Variants in WBP4 observed in about 807,000 individuals in gnomAD.
The protein encoded by WBP4 is WW domain binding protein 4.
A neutral mutation model predicts 55.4 loss-of-function variants in WBP4; 37 were observed. The ratio of observed to expected loss-of-function variants is 0.67; its 90% CI spans 0.51 to 0.88. WBP4 has a LOEUF of 0.88. Among genes scored for constraint, WBP4 ranks in the 40% least tolerant of loss-of-function variants. The probability of loss-of-function intolerance (pLI) is 0.00; values close to 1 mark genes in which losing one functional copy is unlikely to be tolerated. For synonymous variants in WBP4, 142 were observed against 140.2 expected (o/e 1.01, Z -0.09); for missense variants, 398 against 420.8 (o/e 0.95, Z 0.47).
In WBP4 at chr13:41,072,843, A is replaced by C. The variant is rs143576227; in HGVS notation, c.548A>C (p.Asn183Thr). Residue 183 changes from asparagine to threonine, a missense_variant, in exon 7 of 10, where the codon AAT becomes ACT. Asn to Thr is a moderately conservative substitution (Grantham distance 65, BLOSUM62 0). Coordinates refer to ENST00000379487, the MANE Select transcript of WBP4 (RefSeq NM_007187.5). Reference protein sequence around the residue: ...LSEDGFTYYYNTETGESRWEK... With the variant: ...LSEDGFTYYYTTETGESRWEK... The stretch of plus-strand genomic sequence containing the variant: ...GAAGATGGTTTTACCTATTACTATA[A>C]TACAGAAACAGGAGGTAAGTATTAC... 6.2e-7 allele frequency: 1 copy of C among 1,612,838 alleles called. No homozygotes were observed. Among genetic ancestry groups the C allele is most frequent in the African/African-American group, 1.3e-5 (1 of 74,984 alleles).
intron 9 of WBP4, 105 bp from the exon 10 acceptor site, chr13:41,082,599 T>A: frequency 1.0e-6 from 1 of 989,378 alleles, no homozygotes; most frequent in Non-Finnish European, 1.5e-6. Flanking sequence ...TACTCCAAAA[T>A]GAGCAACTTC....
At chr13:41,073,151 A>G (rs932129261) in intron 7 of WBP4, among the ~76,000 whole-genome samples, 1 of 152,240 alleles carries the variant, frequency 6.6e-6, no homozygotes, top group African/African-American at 2.4e-5. Flanking sequence ...TAATTATTTT[A>G]GAAATATAGT....
chr13:41,083,338 A>G lies in WBP4; in HGVS notation c.*424A>G, dbSNP rs1311346828. ...ACGTGAGAATATTCCCAGCCCAGTG[A>G]TGATTTGGTTCTGAGGCTGATGTGA... On this transcript the variant is annotated 3_prime_UTR_variant, in exon 10 of 10. Coordinates refer to ENST00000379487, the MANE Select transcript of WBP4 (RefSeq NM_007187.5). 1 of 164,716 alleles carries G rather than the reference A, an allele frequency of 6.1e-6. No homozygotes were observed. The highest frequency in any genetic ancestry group is 5.8e-5 in the Admixed American group (1 of 17,262). 10.2% of individuals were successfully genotyped at this position (164,716 alleles called of 1,614,324 possible). A position where few individuals can be genotyped will look rare whatever the true frequency, so the allele number is the denominator to read the frequency against.
chr13:41,072,077 T>C (rs1215347778), intron 6 of WBP4, among the ~76,000 whole-genome samples: 5 of 150,360 alleles, frequency 3.3e-5, no homozygotes, highest in African/African-American at 7.3e-5. Context: ...AGTACTGATA[T>C]CTATCCAAAA....
rs956355475 is a variant in WBP4, at chr13:41,061,538, G to T, written c.-136G>T. ...TTGGGAACAGCGGAACGCTGGTCCC[G>T]GGGACTGAGTAAGGTGTCTGGATCG... On this transcript the variant is annotated 5_prime_UTR_variant, in exon 1 of 10. Coordinates refer to ENST00000379487, the MANE Select transcript of WBP4 (RefSeq NM_007187.5). 8 of 1,392,468 alleles carry T rather than the reference G, an allele frequency of 5.7e-6. No homozygotes were observed. Among genetic ancestry groups the T allele is most frequent in the African/African-American group, 1.4e-5 (1 of 71,014 alleles). The allele number at this position is 1,392,468 out of a possible 1,614,324, so 86.3% of individuals were successfully genotyped here.
rs910231790 is a variant in WBP4, at chr13:41,068,742, G to A, written c.439+5G>A. The A allele has an allele frequency of 1.9e-6, 3 of 1,566,400 alleles. No homozygotes were observed. Among genetic ancestry groups the A allele is most frequent in the Non-Finnish European group, 1.7e-6 (2 of 1,158,056 alleles). ...ATTATGATCTTATCTCAGGAGGTAA[G>A]TCATTTAGGCATAAAACTGGTAAAG... is the stretch of plus-strand genomic sequence containing the variant. On this transcript the variant is annotated splice_donor_5th_base_variant and intron_variant, in intron 5 of 9. Transcript: ENST00000379487.
At chr13:41,080,494 A>G in intron 8 of WBP4, 152 bp from the exon 9 acceptor site, 1 of 604,694 alleles carries the variant, frequency 1.7e-6, no homozygotes, top group South Asian at 2.4e-5. Flanking sequence ...TCAAGCAGTA[A>G]AGTTCTATGT....
chr13:41,073,465 A>G (rs1317638563), intron 7 of WBP4, among the ~76,000 whole-genome samples: 1 of 151,264 alleles, frequency 6.6e-6, no homozygotes, highest in Non-Finnish European at 1.5e-5. Context: ...GTGACCCGAG[A>G]TCGTGCCATT....
Position 41,061,683 on chromosome 13 carries a change from G to C in WBP4, c.2+8G>C. The C allele has an allele frequency of 6.2e-7, 1 of 1,614,032 alleles. No individual in the cohort carries two copies. Among genetic ancestry groups the C allele is most frequent in the Non-Finnish European group, 8.5e-7 (1 of 1,180,020 alleles). On this transcript the variant is annotated splice_region_variant and intron_variant, in intron 1 of 9. Transcript: ENST00000379487. ...AGCGGCTGGCGCAGTCATGTGAGTTGGGTCTCAGGCCCTGAACAACGAGGT... is the reference window on the plus strand; with the variant it reads ...AGCGGCTGGCGCAGTCATGTGAGTTCGGTCTCAGGCCCTGAACAACGAGGT...
chr13:41,069,057 TC>T (rs1189223569), intron 5 of WBP4, among the ~76,000 whole-genome samples: 3 of 152,208 alleles, frequency 2.0e-5, no homozygotes, highest in African/African-American at 7.2e-5. Flanking sequence ...ATAAGGAATT[TC>T]AAATCCACTT....
At chr13:41,070,115 T>C (rs1312088945) in intron 5 of WBP4, among the ~76,000 whole-genome samples, 1 of 152,204 alleles carries the variant, frequency 6.6e-6, no homozygotes, top group Non-Finnish European at 1.5e-5. Context: ...AGTGCTATAA[T>C]AGAAGTGTAA....
At chr13:41,064,917 AATTTT>A (rs1462333707) in intron 2 of WBP4, 94 bp from the exon 3 acceptor site, 1 of 1,123,016 alleles carries the variant, frequency 8.9e-7, no homozygotes, top group Non-Finnish European at 1.2e-6. Context: ...CATTCATTTT[AATTTT>A]AATTTTCTCA....
chr13:41,082,637 G>A, intron 9 of WBP4, 67 bp from the exon 10 acceptor site: 1 of 1,437,434 alleles, frequency 7.0e-7, no homozygotes, highest in Non-Finnish European at 9.7e-7. Context: ...TGATCTTGGG[G>A]CATTGGTTAT....
rs58699334 is a variant in WBP4, at chr13:41,065,289, TAAAAAAAAAAAAAA to T, written c.262+10_262+23del. Reference sequence around the variant, plus strand: ...TGAAAAGACTTGGCTTAGAGTCAGGTAAAAAAAAAAAAAAAAAAAAAGCAGCCAGCATGTTTTAA... The same window carrying T: ...TGAAAAGACTTGGCTTAGAGTCAGGTAAAAAAAGCAGCCAGCATGTTTTAA... On this transcript the variant is annotated splice_donor_5th_base_variant and intron_variant, in intron 4 of 9. Transcript: ENST00000379487. 2 of 917,586 alleles carry T rather than the reference TAAAAAAAAAAAAAA, an allele frequency of 2.2e-6. No homozygotes were observed. 56.8% of individuals were successfully genotyped at this position (917,586 alleles called of 1,614,324 possible).
At position 41,083,204 on chromosome 13, in the gene WBP4, C is replaced by T. The variant is rs3794330; in HGVS notation, c.*290C>T. On this transcript the variant is annotated 3_prime_UTR_variant, in exon 10 of 10. Coordinates refer to ENST00000379487, the MANE Select transcript of WBP4 (RefSeq NM_007187.5). ...ATCTGTTATTTAAAACATGGAGAAA[C>T]AGGGCCTTTATTCCATTCATATTCA... 41,654 of 271,886 alleles carry T rather than the reference C, an allele frequency of 0.15. 3,605 individuals are homozygous for T. Among genetic ancestry groups the T allele is most frequent in the Non-Finnish European group, 0.19 (26,184 of 141,406 alleles). The allele number at this position is 271,886 out of a possible 1,614,324, so 16.8% of individuals were successfully genotyped here.
Position 41,076,268 on chromosome 13 carries a change from AATTTTTT to A in WBP4, c.756+32_756+38del. The A allele has an allele frequency of 8.3e-6, 11 of 1,321,296 alleles. No individual in the cohort carries two copies. In the East Asian group the frequency reaches 1.2e-4, roughly 14 times the overall value. The allele number at this position is 1,321,296 out of a possible 1,614,324, so 81.8% of individuals were successfully genotyped here. A position where few individuals can be genotyped will look rare whatever the true frequency, so the allele number is the denominator to read the frequency against. On this transcript the variant is annotated intron_variant, in intron 8 of 9. Transcript: ENST00000379487. ...TTTTTAAATTTTACTCTTCACATCA[AATTTTTT>A]TTTTTTTTTTTTTTTTTTTTTTGAG...
chr13:41,079,161 GAC>G (rs763535890), intron 8 of WBP4, among the ~76,000 whole-genome samples: 1 of 152,154 alleles, frequency 6.6e-6, no homozygotes, highest in Non-Finnish European at 1.5e-5. Context: ...TTTTTCAAAA[GAC>G]ACACAGGTGG....
In WBP4 at chr13:41,069,593, C is replaced by T. The variant is rs376154254; in HGVS notation, c.439+856C>T. ...AGGAGAATGGCGTGAACCCAGGAGG[C>T]GGAGCTTGCAGTGAGCCGAGATTGG... On this transcript the variant is annotated intron_variant, in intron 5 of 9. Transcript: ENST00000379487. Among the ~76,000 whole-genome samples, 6 of 149,824 alleles carry T rather than the reference C, an allele frequency of 4.0e-5. No individual in the cohort carries two copies. In the East Asian group the frequency reaches 6.0e-4, roughly 15 times the overall value.
chr13:41,064,905 G>T, intron 2 of WBP4, 111 bp from the exon 3 acceptor site: 1 of 988,682 alleles, frequency 1.0e-6, no homozygotes, highest in Non-Finnish European at 1.4e-6. Context: ...CATCTTTTCT[G>T]CCATTCATTT....
Sources: gnomAD v4.1 joint callset for allele counts (sites outside exome capture counted in the v4.1 genomes callset) on GRCh38, gnomAD v4.1.1 for gene constraint, MANE v1.5 for transcripts, NCBI Gene and HGNC (gene_info 2026-07-23, HGNC 2026-07-21) for gene names.